The following FGF12 variants were observed in gnomAD, a reference collection of about 807,000 sequenced individuals.
FGF12 encodes the protein fibroblast growth factor 12.
In FGF12, 14 loss-of-function variants were observed where a neutral mutation model predicts 23.6. That is an observed-to-expected ratio of 0.59 (90% CI 0.39 to 0.93). The LOEUF (loss-of-function observed/expected upper bound fraction) is 0.93, where lower values mean the gene tolerates loss of function less well. FGF12 is among the 40% of genes least tolerant of loss of function. The probability of loss-of-function intolerance (pLI) is 0.00; values close to 1 mark genes in which losing one functional copy is unlikely to be tolerated. For missense variants in FGF12, 175 were observed against 217.8 expected (o/e 0.80, Z 1.24); for synonymous variants, 62 against 77.3 (o/e 0.80, Z 1.04).
chr3:192,532,000 T>C (rs1324713292), intron 2 of FGF12, among the ~76,000 whole-genome samples: 1 of 152,222 alleles, frequency 6.6e-6, no homozygotes, highest in Non-Finnish European at 1.5e-5. Context: ...ATTTATTTAA[T>C]AGGGTGTCCT....
chr3:192,279,133 A>G (rs1308228509), intron 4 of FGF12, among the ~76,000 whole-genome samples: 1 of 151,876 alleles, frequency 6.6e-6, no homozygotes, highest in Non-Finnish European at 1.5e-5. Flanking sequence ...GACATGGGAA[A>G]ATTTTTCTTA....
At chr3:192,619,304 A>G (rs1044141389) in intron 2 of FGF12, among the ~76,000 whole-genome samples, 1 of 152,144 alleles carries the variant, frequency 6.6e-6, no homozygotes, top group Non-Finnish European at 1.5e-5. Context: ...AGAAGGAGCA[A>G]GCATTTCCAG....
At chr3:192,516,205 A>G (rs556446325) in intron 2 of FGF12, among the ~76,000 whole-genome samples, 49 of 152,258 alleles carry the variant, frequency 3.2e-4, no homozygotes, top group African/African-American at 1.2e-3. Flanking sequence ...TTTAGACCCC[A>G]CCTGTAGGGT....
chr3:192,327,707 T>C (rs1370616997), intron 4 of FGF12, among the ~76,000 whole-genome samples: 1 of 152,000 alleles, frequency 6.6e-6, no homozygotes, highest in Non-Finnish European at 1.5e-5. Context: ...ATTATACAAA[T>C]TGCTTTTTTT....
chr3:192,661,136 T>G (rs1716654695), intron 2 of FGF12, among the ~76,000 whole-genome samples: 1 of 151,874 alleles, frequency 6.6e-6, no homozygotes, highest in African/African-American at 2.4e-5. Flanking sequence ...TAGTCTAAAA[T>G]TATTAAGGGA....
chr3:192,505,498 T>C (rs1724264126), intron 2 of FGF12, among the ~76,000 whole-genome samples: 1 of 152,206 alleles, frequency 6.6e-6, no homozygotes, highest in Non-Finnish European at 1.5e-5. Flanking sequence ...GTTTAAAAAA[T>C]TCACACGCAT....
chr3:192,279,241 T>C (rs962561590), intron 4 of FGF12, among the ~76,000 whole-genome samples: 6 of 148,486 alleles, frequency 4.0e-5, no homozygotes, highest in Non-Finnish European at 5.9e-5. Context: ...TATATATATA[T>C]ATATATATAT....
chr3:192,234,659 T>A (rs1719189967), intron 4 of FGF12, among the ~76,000 whole-genome samples: 1 of 152,188 alleles, frequency 6.6e-6, no homozygotes, highest in Non-Finnish European at 1.5e-5. Flanking sequence ...TCCAGTATGA[T>A]GCTGGCCATG....
intron 2 of FGF12, among the ~76,000 whole-genome samples, chr3:192,470,718 C>T (rs1038900822): frequency 1.3e-4 from 20 of 152,172 alleles, no homozygotes; most frequent in Non-Finnish European, 1.8e-4. Context: ...CTGTCGTGAA[C>T]ATTCATCATT....
intron 2 of FGF12, among the ~76,000 whole-genome samples, chr3:192,587,812 C>T (rs1359258601): frequency 2.0e-5 from 3 of 151,602 alleles, no homozygotes; most frequent in Non-Finnish European, 2.9e-5. Context: ...ACAGGGAGAC[C>T]CTCTTTCTCA....
At chr3:192,572,658 A>G (rs1712694342) in intron 2 of FGF12, among the ~76,000 whole-genome samples, 1 of 152,210 alleles carries the variant, frequency 6.6e-6, no homozygotes, top group South Asian at 2.1e-4. Context: ...GGGGCCAAAT[A>G]CACAGTAACA....
intron 3 of FGF12, among the ~76,000 whole-genome samples, chr3:192,351,421 G>A (rs375475903): frequency 5.9e-5 from 9 of 152,276 alleles, no homozygotes; most frequent in East Asian, 5.8e-4. Context: ...TCTTACAATC[G>A]GTGATATTTA....
chr3:192,556,692 T>C (rs1254575338), intron 2 of FGF12, among the ~76,000 whole-genome samples: 3 of 152,094 alleles, frequency 2.0e-5, no homozygotes, highest in Non-Finnish European at 2.9e-5. Context: ...GTAAGAAACA[T>C]TCTACAGCAG....
Position 192,666,161 on chromosome 3 carries a change from G to A in FGF12, c.13+61020C>T, listed in dbSNP as rs549146674. On this transcript the variant is annotated intron_variant, in intron 2 of 5. Coordinates refer to ENST00000445105, the MANE Select transcript of FGF12 (RefSeq NM_004113.6). The stretch of plus-strand genomic sequence containing the variant: ...ATAACAATAAAATAAACATTAAAAA[G>A]TCATTTAATTTTAAATACCTTTCTT... 2.0e-5 allele frequency among the ~76,000 whole-genome samples: 3 copies of A among 152,222 alleles called. No individual in the cohort carries two copies. In the South Asian group the frequency reaches 6.2e-4, roughly 32 times the overall value.
chr3:192,668,687 A>C (rs6777807), intron 2 of FGF12, among the ~76,000 whole-genome samples: 23,846 of 152,058 alleles, frequency 0.16, 2,323 homozygotes, highest in African/African-American at 0.27. Flanking sequence ...TGCATCGTGT[A>C]GGTCCCAGAA....
chr3:192,543,915 T>G (rs569874979), intron 2 of FGF12, among the ~76,000 whole-genome samples: 1 of 152,304 alleles, frequency 6.6e-6, no homozygotes, highest in South Asian at 2.1e-4. Flanking sequence ...TACTCTTCCC[T>G]ATCCTCTCCT....
intron 2 of FGF12, among the ~76,000 whole-genome samples, chr3:192,439,795 T>C (rs1183723669): frequency 3.3e-5 from 5 of 151,740 alleles, no homozygotes; most frequent in Non-Finnish European, 7.4e-5. Context: ...GCAAAGATGG[T>C]GAAACCCCGT....
intron 3 of FGF12, among the ~76,000 whole-genome samples, chr3:192,337,908 C>T (rs191696437): frequency 2.8e-4 from 42 of 152,074 alleles, no homozygotes; most frequent in African/African-American, 9.4e-4. Flanking sequence ...AATCTAATAC[C>T]TTATATTTGT....
intron 4 of FGF12, among the ~76,000 whole-genome samples, chr3:192,219,185 A>G (rs906064592): frequency 6.6e-6 from 1 of 152,098 alleles, no homozygotes. Flanking sequence ...CCTAGATTCA[A>G]GCAATTCTCC....
Sources: allele counts gnomAD v4.1 joint callset (sites outside exome capture counted in the v4.1 genomes callset), GRCh38; gene constraint gnomAD v4.1.1; transcripts MANE v1.5; gene names NCBI Gene and HGNC (gene_info 2026-07-23, HGNC 2026-07-21).